WNK2: variants seen among roughly 807,000 people sequenced by gnomAD.
The protein encoded by WNK2 is WNK lysine deficient protein kinase 2, also known as serine/threonine-protein kinase WNK2.
A neutral mutation model predicts 192.1 loss-of-function variants in WNK2; 67 were observed. The observed-to-expected ratio is 0.35, with a 90% CI of 0.29 to 0.43. The LOEUF (loss-of-function observed/expected upper bound fraction) is 0.43. Among genes scored for constraint, WNK2 ranks in the 20% least tolerant of loss-of-function variants. The pLI is 1.00. For synonymous variants in WNK2, 1,439 were observed against 1,393.9 expected, an observed-to-expected ratio of 1.03 and a Z score of -0.72; for missense variants, 2,698 against 3,089.7, an observed-to-expected ratio of 0.87 and a Z score of 3.01.
chr9:93,246,305 C>T (rs954233826), intron 7 of WNK2, among the ~76,000 whole-genome samples: 4 of 152,170 alleles, frequency 2.6e-5, no homozygotes, highest in African/African-American at 4.8e-5. Flanking sequence ...CTTGAGCTGC[C>T]GCCTCTTAGA....
chr9:93,267,668 C>T, intron 16 of WNK2, 78 bp from the exon 17 acceptor site: 4 of 1,455,092 alleles, frequency 2.7e-6, no homozygotes, highest in Non-Finnish European at 3.7e-6. Flanking sequence ...ACAGGGTAGA[C>T]ATCCGTCAAT....
At chr9:93,306,883 C>T (rs1427907970) in intron 27 of WNK2, 62 bp downstream of exon 27, 24 of 1,609,608 alleles carry the variant, frequency 1.5e-5, no homozygotes, top group East Asian at 2.2e-5. Flanking sequence ...TCGTGGCTAG[C>T]GCACATCAGG....
At chr9:93,225,029 AG>A (rs1837570555) in intron 2 of WNK2, among the ~76,000 whole-genome samples, 1 of 152,302 alleles carries the variant, frequency 6.6e-6, no homozygotes. Context: ...GGATGTGGAC[AG>A]GCTCTGTGGG....
At position 93,185,273 on chromosome 9, in the gene WNK2, G is replaced by A; in HGVS notation, c.344G>A (p.Gly115Asp). 1 of 1,330,380 alleles carries A rather than the reference G, an allele frequency of 7.5e-7. No individual in the cohort carries two copies. The highest frequency in any genetic ancestry group is 2.0e-5 in the South Asian group (1 of 51,014). The allele number at this position is 1,330,380 out of a possible 1,614,324, so 82.4% of individuals were successfully genotyped here. The change falls in exon 2 of 30, where the codon GGC becomes GAC. Residue 115 changes from glycine to aspartate, a missense_variant. Around this residue, in one of 7 missense-constraint regions of WNK2, gnomAD observed 260 missense variants for 285.6 expected, o/e 0.91. Coordinates refer to ENST00000427277, the MANE Select transcript of WNK2 (RefSeq NM_006648.4). ...PGAPGAPADA[G>D]PEPVGTQEPG... Reference sequence around the variant, plus strand: ...GCCCCCGGAGCCCCCGCGGACGCCGGCCCCGAGCCCGTGGGCACGCAGGAG... The same window carrying A: ...GCCCCCGGAGCCCCCGCGGACGCCGACCCCGAGCCCGTGGGCACGCAGGAG...
At chr9:93,304,580 G>C (rs996019908) in intron 26 of WNK2, among the ~76,000 whole-genome samples, 1 of 152,232 alleles carries the variant, frequency 6.6e-6, no homozygotes, top group African/African-American at 2.4e-5. Flanking sequence ...TTGTTCTCCC[G>C]TTGCTGCCTT....
chr9:93,244,035 T>C (rs944809736), intron 7 of WNK2, among the ~76,000 whole-genome samples: 1 of 152,364 alleles, frequency 6.6e-6, no homozygotes, highest in Middle Eastern at 3.4e-3. Context: ...AGGCCTTTGC[T>C]GTGAGCTGTA....
intron 19 of WNK2, among the ~76,000 whole-genome samples, chr9:93,286,752 A>C (rs1044456882): frequency 7.2e-5 from 11 of 152,234 alleles, no homozygotes; most frequent in Admixed American, 3.9e-4. Flanking sequence ...CAAGATATGG[A>C]AACAACCTAA....
At chr9:93,185,654 C>G in intron 2 of WNK2, 44 bp downstream of exon 2, 1 of 1,574,128 alleles carries the variant, frequency 6.4e-7, no homozygotes, top group Non-Finnish European at 8.6e-7. Context: ...CAGGGTCTGT[C>G]CGCGAGTGCG....
chr9:93,284,591 T>C (rs1367055204), intron 19 of WNK2, among the ~76,000 whole-genome samples: 1 of 119,318 alleles, frequency 8.4e-6, no homozygotes, highest in Non-Finnish European at 1.6e-5. Flanking sequence ...TCCTAGATAT[T>C]GCAGGGGAGC....
At chr9:93,274,800 C>T (rs534016056) in intron 19 of WNK2, among the ~76,000 whole-genome samples, 1 of 152,166 alleles carries the variant, frequency 6.6e-6, no homozygotes, top group Non-Finnish European at 1.5e-5. Context: ...AAAAAGAATT[C>T]TCCAGGCCAA....
At chr9:93,283,033 T>G (rs1465853717) in intron 19 of WNK2, among the ~76,000 whole-genome samples, 2 of 152,328 alleles carry the variant, frequency 1.3e-5, no homozygotes, top group East Asian at 3.9e-4. Flanking sequence ...AAGCAGTGCA[T>G]TTATAAATAT....
chr9:93,317,923 G>A (rs1564251839), intron 29 of WNK2: 5 of 1,600,522 alleles, frequency 3.1e-6, no homozygotes, highest in African/African-American at 1.3e-5. Context: ...TGGCCTCCGA[G>A]TCCCCCCCAC....
intron 2 of WNK2, among the ~76,000 whole-genome samples, chr9:93,208,272 G>A (rs1563988144): frequency 6.6e-6 from 1 of 152,148 alleles, no homozygotes; most frequent in Admixed American, 6.5e-5. Flanking sequence ...GTTATCTGCC[G>A]CCCTCTCACT....
chr9:93,216,857 TA>T (rs1564009815), intron 2 of WNK2, among the ~76,000 whole-genome samples: 20 of 149,968 alleles, frequency 1.3e-4, no homozygotes, highest in South Asian at 2.1e-4. Context: ...CAAAAAGAAC[TA>T]AAAAAAAACC....
Position 93,247,887 on chromosome 9 carries a change from A to C in WNK2, c.1834+53A>C. 1 of 1,503,826 alleles carries C rather than the reference A, an allele frequency of 6.6e-7. No individual in the cohort carries two copies. The allele number at this position is 1,503,826 out of a possible 1,614,324, so 93.2% of individuals were successfully genotyped here. On this transcript the variant is annotated intron_variant, in intron 8 of 29. Coordinates refer to ENST00000427277, the MANE Select transcript of WNK2 (RefSeq NM_006648.4). The surrounding 1 kb of genome is among the most constrained non-coding windows in gnomAD (Gnocchi z 5.2). ...GGGCACCCCTCCCACCTACCCTGCAAAAACCAGCTATTGGGCAAAGAAAAA... is the reference window on the plus strand; with the variant it reads ...GGGCACCCCTCCCACCTACCCTGCACAAACCAGCTATTGGGCAAAGAAAAA...
intron 26 of WNK2, among the ~76,000 whole-genome samples, chr9:93,304,968 C>G (rs551575519): frequency 1.3e-5 from 2 of 152,328 alleles, no homozygotes; most frequent in South Asian, 4.1e-4. Flanking sequence ...CTCCCTGGCT[C>G]TGAGCAGGTG....
At chr9:93,208,707 TTC>T (rs1833870825) in intron 2 of WNK2, among the ~76,000 whole-genome samples, 1 of 654 alleles carries the variant, frequency 1.5e-3, no homozygotes, top group Non-Finnish European at 4.5e-3. Flanking sequence ...TGTCTGCGTG[TTC>T]TGTGTATGCT....
rs1250852280 is a variant in WNK2, at chr9:93,257,686, G to A, written c.2382+547G>A. Among the ~76,000 whole-genome samples the A allele has an allele frequency of 6.6e-6, 1 of 152,254 alleles. No individual in the cohort carries two copies. Among genetic ancestry groups the A allele is most frequent in the East Asian group, 1.9e-4 (1 of 5,200 alleles). On this transcript the variant is annotated intron_variant, in intron 11 of 29. Coordinates refer to ENST00000427277, the MANE Select transcript of WNK2 (RefSeq NM_006648.4). The surrounding 1 kb of genome is among the most constrained non-coding windows in gnomAD (Gnocchi z 4.7). ...GTTCTTCCTGTGGAGCTCCTCCAGGGCCGTGTGGCATGTGGCTCCTCGGAG... is the reference window on the plus strand; with the variant it reads ...GTTCTTCCTGTGGAGCTCCTCCAGGACCGTGTGGCATGTGGCTCCTCGGAG...
At chr9:93,276,049 T>C (rs1003925706) in intron 19 of WNK2, among the ~76,000 whole-genome samples, 3 of 152,234 alleles carry the variant, frequency 2.0e-5, no homozygotes, top group East Asian at 3.8e-4. Flanking sequence ...TGTAGATGCA[T>C]TGCAGTAACA....
Sources: gnomAD v4.1 joint callset for allele counts (sites outside exome capture counted in the v4.1 genomes callset) on GRCh38, gnomAD v4.1.1 for gene constraint, gnomAD v4.1.1 regional missense constraint, Gnocchi (gnomAD v3.1) non-coding constraint, MANE v1.5 for transcripts, NCBI Gene and HGNC (gene_info 2026-07-23, HGNC 2026-07-21) for gene names.